MRAS: variants seen among roughly 807,000 people sequenced by gnomAD.
The protein encoded by MRAS is muscle RAS oncogene homolog.
Under a neutral mutation model 20.9 loss-of-function variants are expected in MRAS, and 4 were observed. The observed-to-expected ratio is 0.19, with a 90% CI of 0.09 to 0.44. MRAS has a LOEUF of 0.44. Among genes scored for constraint, MRAS ranks in the 20% least tolerant of loss-of-function variants. MRAS has a pLI of 0.99. For synonymous variants in MRAS, 98 were observed against 102.9 expected, an observed-to-expected ratio of 0.95 and a Z score of 0.29; for missense variants, 154 against 277.5, an observed-to-expected ratio of 0.56 and a Z score of 3.16.
chr3:138,385,740 C>T (rs1043631827), intron 2 of MRAS, among the ~76,000 whole-genome samples: 1 of 152,090 alleles, frequency 6.6e-6, no homozygotes, highest in African/African-American at 2.4e-5. Context: ...GTCTCGAACT[C>T]CTGACCTCAG....
intron 2 of MRAS, among the ~76,000 whole-genome samples, chr3:138,392,023 A>G (rs911332912): frequency 3.3e-5 from 5 of 152,272 alleles, no homozygotes; most frequent in South Asian, 2.1e-4. Context: ...CTGTAATCCT[A>G]GCTACTCGGG....
At chr3:138,400,484 G>T (rs755877770) in intron 4 of MRAS, 50 bp from the exon 5 acceptor site, 1 of 1,530,080 alleles carries the variant, frequency 6.5e-7, no homozygotes, top group Admixed American at 1.7e-5. Context: ...GTGTAACAGG[G>T]CTTTGAGGAT....
chr3:138,350,391 T>A (rs1008457276), intron 1 of MRAS: 2 of 152,304 alleles, frequency 1.3e-5, no homozygotes, highest in African/African-American at 4.8e-5. Context: ...TTGTCCTTTT[T>A]CTGCCGGGGT....
chr3:138,357,505 A>G (rs1193785417), intron 1 of MRAS, among the ~76,000 whole-genome samples: 1 of 152,234 alleles, frequency 6.6e-6, no homozygotes, highest in Admixed American at 6.5e-5. Flanking sequence ...TGACATGTGG[A>G]AATGAAGAGG....
intron 2 of MRAS, among the ~76,000 whole-genome samples, chr3:138,385,085 A>T (rs1308362): frequency 0.85 from 128,016 of 150,444 alleles, 54,771 homozygotes; most frequent in East Asian, 0.97. Context: ...AGCGTTTCTG[A>T]AAGGAGGAAG....
At chr3:138,348,541 T>C (rs967858003), upstream of MRAS, 2 of 151,938 alleles carry the variant, frequency 1.3e-5, no homozygotes, top group African/African-American at 2.4e-5. Flanking sequence ...TAGCAGGCGC[T>C]GTGGCAATAT....
At chr3:138,357,694 C>T (rs548228416) in intron 1 of MRAS, among the ~76,000 whole-genome samples, 4 of 152,370 alleles carry the variant, frequency 2.6e-5, no homozygotes, top group Non-Finnish European at 5.9e-5. Context: ...GCCTCCACTC[C>T]ACTTTGCCCC....
chr3:138,371,350 C>G (rs1314780101), intron 1 of MRAS, among the ~76,000 whole-genome samples: 1 of 152,194 alleles, frequency 6.6e-6, no homozygotes, highest in East Asian at 1.9e-4. Flanking sequence ...CCCTTTCTGT[C>G]AAAATCTAGA....
chr3:138,402,037 C>G (rs2055371174), intron 5 of MRAS, 133 bp from the exon 6 acceptor site: 2 of 764,048 alleles, frequency 2.6e-6, no homozygotes, highest in East Asian at 2.7e-5. Context: ...GGATGGCATC[C>G]CCATCCCCCT....
chr3:138,358,952 C>T (rs563727765), intron 1 of MRAS, among the ~76,000 whole-genome samples: 3 of 152,264 alleles, frequency 2.0e-5, no homozygotes, highest in Non-Finnish European at 2.9e-5. Flanking sequence ...TGCTACCACC[C>T]ACCAACAATA....
chr3:138,397,996 A>G (rs1303955998), intron 3 of MRAS, among the ~76,000 whole-genome samples: 1 of 152,260 alleles, frequency 6.6e-6, no homozygotes, highest in Admixed American at 6.5e-5. Flanking sequence ...TTTAAAATGG[A>G]AATACCCAAT....
At chr3:138,400,062 C>G (rs1167754481) in intron 4 of MRAS, 1 of 155,306 alleles carries the variant, frequency 6.4e-6, no homozygotes, top group Non-Finnish European at 1.4e-5. Context: ...GGGGCCAGCT[C>G]CGACGGGGCC....
At position 138,397,409 on chromosome 3, in the gene MRAS, C is replaced by G; in HGVS notation, c.279C>G (p.Ser93=). The change falls in exon 3 of 6, where the codon TCC becomes TCG. Residue 93 remains serine, a synonymous_variant. Coordinates refer to ENST00000423968, the MANE Select transcript of MRAS (RefSeq NM_001085049.3). ...RTGDGFLIVY[S]VTDKASFEHV... The stretch of plus-strand genomic sequence containing the variant: ...GGGATGGCTTCCTCATCGTCTACTC[C>G]GTCACTGACAAGGCCAGCTTTGAGC... The G allele has an allele frequency of 6.2e-7, 1 of 1,614,166 alleles. No individual in the cohort carries two copies.
chr3:138,372,798 A>G, intron 1 of MRAS, 68 bp from the exon 2 acceptor site: 1 of 1,169,216 alleles, frequency 8.6e-7, no homozygotes, highest in Non-Finnish European at 1.2e-6. Flanking sequence ...AAAGGAGGAA[A>G]ACATATGAAT....
chr3:138,395,362 C>T (rs1003362570), intron 2 of MRAS, among the ~76,000 whole-genome samples: 1 of 152,116 alleles, frequency 6.6e-6, no homozygotes, highest in African/African-American at 2.4e-5. Flanking sequence ...TTTGCCCAAA[C>T]TCTCCAGTGG....
At chr3:138,392,732 C>T (rs1178899478) in intron 2 of MRAS, among the ~76,000 whole-genome samples, 1 of 151,920 alleles carries the variant, frequency 6.6e-6, no homozygotes, top group Non-Finnish European at 1.5e-5. Context: ...TGTCATTTTG[C>T]TTTATATGTG....
At chr3:138,359,636 G>A (rs1489588350) in intron 1 of MRAS, among the ~76,000 whole-genome samples, 1 of 152,162 alleles carries the variant, frequency 6.6e-6, no homozygotes, top group East Asian at 1.9e-4. Flanking sequence ...ACCTCTCTGG[G>A]CTCTGACATA....
rs188426284 is a variant in MRAS at position 138,404,747 on chromosome 3, T to G, written c.*2478T>G. On this transcript the variant is annotated 3_prime_UTR_variant, in exon 6 of 6. Transcript: ENST00000423968. ...AGCTTCCAGATAGGCCAGAGTAGAG[T>G]GTAGAGTGTGCCCCGTGACATCCCT... The G allele has an allele frequency of 6.6e-6, 1 of 151,824 alleles. No homozygotes were observed. Among genetic ancestry groups the G allele is most frequent in the Admixed American group, 6.6e-5 (1 of 15,258 alleles). 9.4% of individuals were successfully genotyped at this position (151,824 alleles called of 1,614,324 possible). A position where few individuals can be genotyped will look rare whatever the true frequency, so the allele number is the denominator to read the frequency against.
chr3:138,382,677 G>T (rs1236041920), intron 2 of MRAS, among the ~76,000 whole-genome samples: 2 of 152,162 alleles, frequency 1.3e-5, no homozygotes, highest in African/African-American at 4.8e-5. Context: ...AGTGATGAAG[G>T]TGTGAGTGGA....
Sources: allele counts gnomAD v4.1 joint callset (sites outside exome capture counted in the v4.1 genomes callset), GRCh38; gene constraint gnomAD v4.1.1; transcripts MANE v1.5; gene names NCBI Gene and HGNC (gene_info 2026-07-23, HGNC 2026-07-21).